Variants in APOL1 observed in about 807,000 individuals in gnomAD.
APOL1 encodes the protein apolipoprotein L1.
A neutral mutation model predicts 14.9 loss-of-function variants in APOL1; 17 were observed. The observed-to-expected ratio is 1.14, with a 90% CI of 0.78 to 1.71. APOL1 has a LOEUF of 1.71. Among genes scored for constraint, APOL1 ranks in the 40% most tolerant of loss-of-function variants. The pLI, the probability that APOL1 is intolerant of heterozygous loss-of-function variation, is 0.00. For missense variants in APOL1, 523 were observed against 485.9 expected (o/e 1.08, Z -0.72); for synonymous variants, 195 against 184.8 (o/e 1.05, Z -0.45).
At position 36,265,667 on chromosome 22, in the gene APOL1, A is replaced by C; in HGVS notation, c.831A>C (p.Arg277=). The stretch of plus-strand genomic sequence containing the variant: ...CTGGCAATACTTACCAACTCACACG[A>C]GGCATTGGGAAGGACATCCGTGCCC... ...SLAGNTYQLT[R]GIGKDIRALR... The change falls in exon 6 of 6, where the codon CGA becomes CGC. Residue 277 remains arginine (R), a synonymous_variant. Transcript: ENST00000397278. 6.2e-7 allele frequency: 1 copy of C among 1,602,804 alleles called. No individual in the cohort carries two copies. Among genetic ancestry groups the C allele is most frequent in the Non-Finnish European group, 8.5e-7 (1 of 1,173,864 alleles).
chr22:36,263,125 C>T (rs372425281), intron 5 of APOL1, among the ~76,000 whole-genome samples: 1 of 152,196 alleles, frequency 6.6e-6, no homozygotes, highest in East Asian at 1.9e-4. Context: ...GTGACACCTG[C>T]GAGTGAGACC....
chr22:36,265,824 A>C lies in APOL1; in HGVS notation c.988A>C (p.Ser330Arg). The change falls in exon 6 of 6, where the codon AGC (serine) becomes CGC (arginine). Residue 330 changes from serine (S) to arginine (R), a missense_variant. By Grantham distance (110) the Ser-to-Arg change is moderately radical. Transcript: ENST00000397278. ...TAATGAACCCAGCATCCTGGAAATG[A>C]GCAGAGGAGTCAAGCTCACGGATGT... ...RVNEPSILEM[S>R]RGVKLTDVAP... The C allele has an allele frequency of 1.9e-6, 3 of 1,614,142 alleles. No individual in the cohort carries two copies. The highest frequency in any genetic ancestry group is 2.5e-6 in the Non-Finnish European group (3 of 1,180,028).
intron 3 of APOL1, 44 bp downstream of exon 3, chr22:36,257,180 C>T (rs372939695): frequency 6.6e-5 from 107 of 1,613,172 alleles, no homozygotes; most frequent in Non-Finnish European, 8.3e-5. Context: ...CAGTGATAGA[C>T]AAACAATCTG....
In APOL1 at chr22:36,255,016, G is replaced by C. The variant is rs766676855; in HGVS notation, c.44+17G>C. The C allele has an allele frequency of 6.2e-7, 1 of 1,610,444 alleles. No individual in the cohort carries two copies. ...CTGCATCTGGTGAGCTTGGCTCAGA[G>C]CCCTGAGGCGGGAGGGAGGGCTCCC... On this transcript the variant is annotated intron_variant, in intron 2 of 5. Coordinates refer to ENST00000397278, the MANE Select transcript of APOL1 (RefSeq NM_003661.4).
At position 36,254,806 on chromosome 22, in the gene APOL1, C is replaced by A. The variant is rs1032129167; in HGVS notation, c.-19-131C>A. 63 of 1,163,334 alleles carry A rather than the reference C, an allele frequency of 5.4e-5. No individual in the cohort carries two copies. In the East Asian group the frequency reaches 1.6e-3, roughly 30 times the overall value. 72.1% of individuals were successfully genotyped at this position (1,163,334 alleles called of 1,614,324 possible). A position where few individuals can be genotyped will look rare whatever the true frequency, so the allele number is the denominator to read the frequency against. On this transcript the variant is annotated intron_variant, in intron 1 of 5. Transcript: ENST00000397278. ...TGAACCCGGGAGGCAGAGCTTGTAG[C>A]GAGCCTAGATCGCCCCACTGCACTC...
chr22:36,265,733 C>A lies in APOL1; in HGVS notation c.897C>A (p.Ala299=). ...CCAATCTTCAGTCAGTACCGCATGC[C>A]TCAGCCTCACGCCCCCGGGTCACTG... ...ARANLQSVPH[A]SASRPRVTEP... is the part of the protein sequence containing the mutation. Residue 299 remains alanine (A), a synonymous_variant, in exon 6 of 6, where the codon GCC becomes GCA. Coordinates refer to ENST00000397278, the MANE Select transcript of APOL1 (RefSeq NM_003661.4). The A allele has an allele frequency of 6.2e-7, 1 of 1,614,038 alleles. No individual in the cohort carries two copies. Among genetic ancestry groups the A allele is most frequent in the Non-Finnish European group, 8.5e-7 (1 of 1,179,938 alleles).
Position 36,265,863 on chromosome 22 carries a change from T to G in APOL1, c.1027T>G (p.Phe343Val), listed in dbSNP as rs751786377. ...VKLTDVAPVS[F>V]FLVLDVVYLV... ...GCTCACGGATGTGGCCCCTGTAAGCTTCTTTCTTGTGCTGGATGTAGTCTA... is the reference window on the plus strand; with the variant it reads ...GCTCACGGATGTGGCCCCTGTAAGCGTCTTTCTTGTGCTGGATGTAGTCTA... Residue 343 changes from phenylalanine (F) to valine (V), a missense_variant, in exon 6 of 6, where the codon TTC becomes GTC. Physicochemically the swap from Phe to Val is conservative, Grantham distance 50 (BLOSUM62 -1). Transcript: ENST00000397278. 17 of 1,614,100 alleles carry G rather than the reference T, an allele frequency of 1.1e-5. No homozygotes were observed. The highest frequency in any genetic ancestry group is 9.3e-5 in the African/African-American group (7 of 74,924).
At chr22:36,261,888 G>A (rs562161413) in intron 5 of APOL1, among the ~76,000 whole-genome samples, 166 bp downstream of exon 5, 10 of 152,302 alleles carry the variant, frequency 6.6e-5, no homozygotes, top group Middle Eastern at 3.4e-3. Flanking sequence ...CATGTCCTTC[G>A]CTGGCAGTGA....
chr22:36,257,019 G>T, intron 2 of APOL1, 64 bp from the exon 3 acceptor site: 1 of 1,567,106 alleles, frequency 6.4e-7, no homozygotes, highest in Non-Finnish European at 8.8e-7. Context: ...TATAGACTCT[G>T]TAGTTTCTGT....
At chr22:36,263,489 T>C (rs2016138295) in intron 5 of APOL1, among the ~76,000 whole-genome samples, 1 of 152,246 alleles carries the variant, frequency 6.6e-6, no homozygotes, top group East Asian at 1.9e-4. Flanking sequence ...CATAACTCAC[T>C]GAAAACTGCT....
chr22:36,258,536 CG>C (rs1456129744), intron 4 of APOL1, among the ~76,000 whole-genome samples: 13 of 152,094 alleles, frequency 8.5e-5, no homozygotes, highest in Non-Finnish European at 1.8e-4. Context: ...CAGGTGAGAC[CG>C]GAACTTAGCC....
At chr22:36,254,377 A>G (rs2015787939) in intron 1 of APOL1, among the ~76,000 whole-genome samples, 1 of 152,118 alleles carries the variant, frequency 6.6e-6, no homozygotes, top group Admixed American at 6.5e-5. Context: ...AGCCTGGGAA[A>G]CACAGGAGAT....
At chr22:36,259,836 A>T in intron 4 of APOL1, 1 of 1,304,290 alleles carries the variant, frequency 7.7e-7, no homozygotes, top group Non-Finnish European at 1.0e-6. Context: ...CAAGACCAGC[A>T]GGAGGAATCT....
At chr22:36,262,272 C>A (rs537943717) in intron 5 of APOL1, among the ~76,000 whole-genome samples, 1 of 152,174 alleles carries the variant, frequency 6.6e-6, no homozygotes, top group Non-Finnish European at 1.5e-5. Flanking sequence ...TCCATAAACA[C>A]GGCAGGACCC....
intron 4 of APOL1, chr22:36,259,987 G>A: frequency 5.2e-6 from 6 of 1,157,520 alleles, no homozygotes; most frequent in Non-Finnish European, 6.7e-6. Flanking sequence ...ATGTTAAGGA[G>A]TTTAAGGAGA....
At position 36,266,194 on chromosome 22, in the gene APOL1, G is replaced by A. The variant is rs914158733; in HGVS notation, c.*161G>A. On this transcript the variant is annotated 3_prime_UTR_variant, in exon 6 of 6. Transcript: ENST00000397278. ...CAAGCTCTGCCTCCCGTGTTCAAGC[G>A]ATTCTCCTGCCTTGGCCTCCCAAGT... is the stretch of plus-strand genomic sequence containing the variant. The A allele has an allele frequency of 4.4e-5, 34 of 778,526 alleles. No homozygotes were observed. The highest frequency in any genetic ancestry group is 3.2e-4 in the African/African-American group (18 of 56,138). 48.2% of individuals were successfully genotyped at this position (778,526 alleles called of 1,614,324 possible).
chr22:36,257,447 C>A (rs1396712223), intron 4 of APOL1, 40 bp downstream of exon 4: 22 of 1,577,202 alleles, frequency 1.4e-5, no homozygotes, highest in Non-Finnish European at 1.9e-5. Context: ...CCTACTCGCA[C>A]TTAGAATGGA....
rs747878269 is a variant in APOL1, at chr22:36,261,735, G to A, written c.314+13G>A. Reference sequence around the variant, plus strand: ...CTGAACTGCCCAGGTAAGCTCCATGGGGTTACCTCCATTGGGCACTCCGGC... The same window carrying A: ...CTGAACTGCCCAGGTAAGCTCCATGAGGTTACCTCCATTGGGCACTCCGGC... On this transcript the variant is annotated intron_variant, in intron 5 of 5. Transcript: ENST00000397278. 4 of 1,612,532 alleles carry A rather than the reference G, an allele frequency of 2.5e-6. No homozygotes were observed. Among genetic ancestry groups the A allele is most frequent in the Non-Finnish European group, 3.4e-6 (4 of 1,178,902 alleles).
chr22:36,265,604 GT>G lies in APOL1; in HGVS notation c.773del (p.Leu258TrpfsTer11). On this transcript the variant is annotated frameshift_variant, in exon 6 of 6. Transcript: ENST00000397278. LOFTEE classifies it low-confidence loss of function (END_TRUNC). ...SLDKLKEVREFLGENISNFLS... is the reference protein window; with the variant it reads ...SLDKLKEVREXLGENISNFLS... Reference sequence around the variant, plus strand: ...TTGACAAATTGAAGGAGGTGAGGGAGTTTTTGGGTGAGAACATATCCAACTT... The same window carrying G: ...TTGACAAATTGAAGGAGGTGAGGGAGTTTTGGGTGAGAACATATCCAACTT... 2 of 1,596,042 alleles carry G rather than the reference GT, an allele frequency of 1.3e-6. No individual in the cohort carries two copies. The highest frequency in any genetic ancestry group is 1.7e-5 in the Admixed American group (1 of 57,966).
Sources: allele counts gnomAD v4.1 joint callset (sites outside exome capture counted in the v4.1 genomes callset), GRCh38; gene constraint gnomAD v4.1.1; transcripts MANE v1.5; gene names NCBI Gene and HGNC (gene_info 2026-07-23, HGNC 2026-07-21).